VPS13A: variants seen among roughly 807,000 people sequenced by gnomAD.
The protein encoded by VPS13A is vacuolar protein sorting 13 homolog A.
A neutral mutation model predicts 390.9 loss-of-function variants in VPS13A; 264 were observed. The observed-to-expected ratio is 0.68, with a 90% CI of 0.61 to 0.75. The LOEUF (loss-of-function observed/expected upper bound fraction) is 0.75, where lower values mean the gene tolerates loss of function less well. VPS13A is among the 30% of genes least tolerant of loss of function. The pLI, the probability that VPS13A is intolerant of heterozygous loss-of-function variation, is 0.00. For missense variants in VPS13A, 3,409 were observed against 3,733.9 expected (o/e 0.91, Z 2.27); for synonymous variants, 1,231 against 1,227.1 (o/e 1.00, Z -0.07).
intron 68 of VPS13A, among the ~76,000 whole-genome samples, chr9:77,402,730 C>A (rs1488782811): frequency 6.6e-6 from 1 of 152,104 alleles, no homozygotes; most frequent in African/African-American, 2.4e-5. Context: ...GCCTTGGGGT[C>A]CCTGTTTGTC....
chr9:77,290,505 C>A (rs933239850), intron 31 of VPS13A, among the ~76,000 whole-genome samples: 1 of 152,190 alleles, frequency 6.6e-6, no homozygotes, highest in Admixed American at 6.5e-5. Context: ...TCCCCCACCC[C>A]CTGGCTCCCC....
intron 62 of VPS13A, among the ~76,000 whole-genome samples, chr9:77,369,079 C>G (rs190765385): frequency 5.3e-4 from 80 of 152,014 alleles, no homozygotes; most frequent in African/African-American, 1.9e-3. Context: ...TGCAGTGAGC[C>G]GAGATGGCGC....
rs144754982 is a variant in VPS13A, at chr9:77,239,662, A to G, written c.1900+1276A>G. 8.6e-3 allele frequency among the ~76,000 whole-genome samples: 1,313 copies of G among 151,908 alleles called. 67 individuals carry two copies. Among genetic ancestry groups the G allele is most frequent in the Admixed American group, 0.079 (1,211 of 15,284 alleles). ...ACAACATGTAATAGGATTTTTTCCA[A>G]TCTAGATTTATGGTCCTTATTTTTT... On this transcript the variant is annotated intron_variant, in intron 19 of 71. Transcript: ENST00000360280.
At chr9:77,400,777 G>A (rs888862530) in intron 68 of VPS13A, among the ~76,000 whole-genome samples, 6 of 148,426 alleles carry the variant, frequency 4.0e-5, no homozygotes, top group Non-Finnish European at 8.9e-5. Flanking sequence ...GCAGTGAGCC[G>A]AGATCGCATC....
chr9:77,197,321 T>C (rs1174687545), intron 1 of VPS13A, among the ~76,000 whole-genome samples: 1 of 152,200 alleles, frequency 6.6e-6, no homozygotes, highest in Non-Finnish European at 1.5e-5. Context: ...ATTAATCTTC[T>C]GTGTGGTTGT....
chr9:77,402,158 G>C (rs922583903), intron 68 of VPS13A, among the ~76,000 whole-genome samples: 54 of 152,086 alleles, frequency 3.6e-4, no homozygotes, highest in African/African-American at 1.3e-3. Context: ...ACAGTAAATA[G>C]TAAAGATATT....
At chr9:77,357,978 CAG>C (rs1831914560) in intron 56 of VPS13A, 140 bp downstream of exon 56, 2 of 638,410 alleles carry the variant, frequency 3.1e-6, no homozygotes, top group Non-Finnish European at 4.7e-6. Context: ...TTTTTTGAGA[CAG>C]AGTCTCCCTC....
At chr9:77,337,135 T>C (rs547058606) in intron 46 of VPS13A, 120 bp from the exon 47 acceptor site, 15 of 1,059,994 alleles carry the variant, frequency 1.4e-5, no homozygotes, top group Admixed American at 1.1e-4. Flanking sequence ...TATATGAAAA[T>C]ATAAAAATGT....
intron 52 of VPS13A, among the ~76,000 whole-genome samples, chr9:77,348,689 A>G (rs1831299536): frequency 6.6e-6 from 1 of 151,752 alleles, no homozygotes; most frequent in South Asian, 2.1e-4. Flanking sequence ...TATGTACCCC[A>G]GTTTTTGATA....
At position 77,381,958 on chromosome 9, in the gene VPS13A, A is replaced by T. The variant is rs1197735843; in HGVS notation, c.9078-18A>T. The T allele has an allele frequency of 6.6e-7, 1 of 1,518,646 alleles. No homozygotes were observed. Among genetic ancestry groups the T allele is most frequent in the Middle Eastern group, 1.7e-4 (1 of 5,794 alleles). The allele number at this position is 1,518,646 out of a possible 1,614,324, so 94.1% of individuals were successfully genotyped here. A position where few individuals can be genotyped will look rare whatever the true frequency, so the allele number is the denominator to read the frequency against. On this transcript the variant is annotated intron_variant, in intron 67 of 71. Coordinates refer to ENST00000360280, the MANE Select transcript of VPS13A (RefSeq NM_033305.3). ...TTTGAATAATTTTTAAAATAAAGTT[A>T]TATTTTTTTTCCTCTAGAGCTACAG... is the stretch of plus-strand genomic sequence containing the variant.
intron 33 of VPS13A, among the ~76,000 whole-genome samples, chr9:77,300,955 A>G (rs894289442): frequency 2.0e-5 from 3 of 152,252 alleles, no homozygotes; most frequent in Non-Finnish European, 4.4e-5. Context: ...TGAAGCTTTC[A>G]TTCTAATTAA....
chr9:77,276,003 C>G, intron 25 of VPS13A, 62 bp from the exon 26 acceptor site: 1 of 1,539,574 alleles, frequency 6.5e-7, no homozygotes, highest in Non-Finnish European at 8.9e-7. Context: ...CATGTAACCA[C>G]TATGCACATA....
chr9:77,329,419 A>G (rs921719390), intron 45 of VPS13A, among the ~76,000 whole-genome samples: 1 of 152,214 alleles, frequency 6.6e-6, no homozygotes, highest in African/African-American at 2.4e-5. Context: ...AAAGTGACAG[A>G]CATGTGCCTC....
intron 1 of VPS13A, among the ~76,000 whole-genome samples, chr9:77,185,044 C>A (rs974797307): frequency 6.6e-6 from 1 of 151,978 alleles, no homozygotes; most frequent in Non-Finnish European, 1.5e-5. Context: ...TATAGCTGGT[C>A]AATCAGAAGC....
rs74622901 is a variant in VPS13A, at chr9:77,317,669, G to A, written c.4927G>A (p.Asp1643Asn). The A allele has an allele frequency of 1.5e-3, 2,328 of 1,598,268 alleles. 56 individuals carry two copies. The East Asian group carries it at 0.047, about 32-fold the overall frequency. Residue 1643 changes from aspartate (D) to asparagine (N), a missense_variant, in exon 40 of 72, where the codon GAT becomes AAT. Asp to Asn is a conservative substitution (Grantham distance 23). This residue lies in a region of VPS13A where 2,717 missense variants were observed against 2,917.4 expected (regional missense o/e 0.93). Transcript: ENST00000360280. ...TQKGTDPQVI[D>N]MSVKSLTLKV... ...GAAAGGTACAGATCCACAAGTGATC[G>A]ATATGTCAGTAAAATCCCTGACACT...
At chr9:77,384,405 G>A (rs1344181325) in intron 68 of VPS13A, among the ~76,000 whole-genome samples, 3 of 151,830 alleles carry the variant, frequency 2.0e-5, no homozygotes, top group Non-Finnish European at 4.4e-5. Context: ...TAGTGGAATT[G>A]TCTTAGGTCT....
chr9:77,199,433 C>G (rs531512091), intron 1 of VPS13A, among the ~76,000 whole-genome samples: 56 of 152,232 alleles, frequency 3.7e-4, no homozygotes, highest in African/African-American at 1.3e-3. Context: ...TTCATTAATC[C>G]CATTACCTGT....
intron 23 of VPS13A, among the ~76,000 whole-genome samples, chr9:77,261,434 T>C (rs1407915735): frequency 6.6e-6 from 1 of 151,934 alleles, no homozygotes; most frequent in Admixed American, 6.6e-5. Context: ...TTATGAAAAA[T>C]ACTGCTTTGA....
chr9:77,199,750 G>T lies in VPS13A; in HGVS notation c.101-195G>T, dbSNP rs139379490. Among the ~76,000 whole-genome samples the T allele has an allele frequency of 0.019, 2,773 of 149,032 alleles. 30 individuals are homozygous for T. Among genetic ancestry groups the T allele is most frequent in the Non-Finnish European group, 0.026 (1,750 of 67,074 alleles). On this transcript the variant is annotated intron_variant, in intron 1 of 71. Transcript: ENST00000360280. Reference sequence around the variant, plus strand: ...GAGGTCAAAAGATACAATTAGTGAAGATTTGGTCAAGCATACTCTGTTAGA... The same window carrying T: ...GAGGTCAAAAGATACAATTAGTGAATATTTGGTCAAGCATACTCTGTTAGA...
Sources: allele counts gnomAD v4.1 joint callset (sites outside exome capture counted in the v4.1 genomes callset), GRCh38; gene constraint gnomAD v4.1.1; regional missense constraint gnomAD v4.1.1; transcripts MANE v1.5; gene names NCBI Gene and HGNC (gene_info 2026-07-23, HGNC 2026-07-21).